The following RAPGEF3 variants were observed in gnomAD, a reference collection of about 807,000 sequenced individuals.
The protein encoded by RAPGEF3 is 9330170P05Rik.
Under a neutral mutation model 129.8 loss-of-function variants are expected in RAPGEF3, and 103 were observed. The observed-to-expected ratio is 0.79, with a 90% CI of 0.68 to 0.93. The LOEUF is 0.93. Ranked by LOEUF, RAPGEF3 falls within the 40% of genes least tolerant of loss-of-function variation. The pLI is 0.00. For synonymous variants in RAPGEF3, 436 were observed against 482.6 expected, an observed-to-expected ratio of 0.90 and a Z score of 1.26; for missense variants, 1,117 against 1,207.4, an observed-to-expected ratio of 0.93 and a Z score of 1.11.
chr12:47,748,294 C>T, intron 12 of RAPGEF3, 142 bp from the exon 13 acceptor site: 1 of 946,238 alleles, frequency 1.1e-6, no homozygotes, highest in Non-Finnish European at 1.6e-6. Context: ...TGATAGTGCT[C>T]CCCACTAAGC....
rs770981228 is a variant in RAPGEF3 at position 47,750,319 on chromosome 12, G to A, written c.756+22C>T. On this transcript the variant is annotated intron_variant, in intron 7 of 27. Coordinates refer to ENST00000449771, the MANE Select transcript of RAPGEF3 (RefSeq NM_001098531.4). ...AGAGAAGATGCCTGGTACGGGGCAG[G>A]GCTGGGAGGGGCAGGACTGACCGAG... 16 of 1,607,374 alleles carry A rather than the reference G, an allele frequency of 1.0e-5. No individual in the cohort carries two copies. The African/African-American group carries it at 1.9e-4, about 19-fold the overall frequency.
In RAPGEF3 at chr12:47,751,233, C is replaced by A; in HGVS notation, c.503-17G>T. 6.5e-7 allele frequency: 1 copy of A among 1,547,798 alleles called. No individual in the cohort carries two copies. The highest frequency in any genetic ancestry group is 8.7e-7 in the Non-Finnish European group (1 of 1,144,794). On this transcript the variant is annotated splice_polypyrimidine_tract_variant and intron_variant, in intron 5 of 27. Transcript: ENST00000449771. ...CGTGTTTCACTGGGGGGCAGAGGCCCAGGCGTGGGGGAGGAGAGGAAATTG... is the reference window on the plus strand; with the variant it reads ...CGTGTTTCACTGGGGGGCAGAGGCCAAGGCGTGGGGGAGGAGAGGAAATTG...
intron 2 of RAPGEF3, among the ~76,000 whole-genome samples, chr12:47,754,237 C>A (rs1302555366): frequency 6.6e-6 from 1 of 152,276 alleles, no homozygotes; most frequent in Non-Finnish European, 1.5e-5. Context: ...ATGCCTATTC[C>A]CATGTTTCCT....
At chr12:47,750,134 G>A (rs1484487958) in intron 7 of RAPGEF3, 144 bp from the exon 8 acceptor site, 3 of 1,168,322 alleles carry the variant, frequency 2.6e-6, no homozygotes, top group African/African-American at 1.5e-5. Context: ...GGATTCAGCA[G>A]GAGACAAAGC....
Position 47,751,487 on chromosome 12 carries a change from C to T in RAPGEF3, c.414G>A (p.Gly138=), listed in dbSNP as rs1177669975. ...GGACCCCAAGTCCCAGGGCCAAGAT[C>T]CCATCCACCAGCTCCCGGCCAGAGC... ...QCCSGRELVD[G]ILALGLGVHS... The change falls in exon 5 of 28, where the codon GGG becomes GGA. Residue 138 remains glycine, a synonymous_variant. Transcript: ENST00000449771. 5 of 1,614,082 alleles carry T rather than the reference C, an allele frequency of 3.1e-6. No homozygotes were observed. Among genetic ancestry groups the T allele is most frequent in the East Asian group, 2.2e-5 (1 of 44,896 alleles).
At position 47,738,689 on chromosome 12, in the gene RAPGEF3, C is replaced by A; in HGVS notation, c.2526+1G>T. 1 of 1,598,570 alleles carries A rather than the reference C, an allele frequency of 6.3e-7. No individual in the cohort carries two copies. The highest frequency in any genetic ancestry group is 8.6e-7 in the Non-Finnish European group (1 of 1,165,868). On this transcript the variant is annotated splice_donor_variant, in intron 25 of 27. Transcript: ENST00000449771. LOFTEE classifies it high-confidence loss of function. The stretch of plus-strand genomic sequence containing the variant: ...TGAATGCCTGCTCTCCCTGGACTCA[C>A]CATCTTCTCAAAGTTGATGAGATTC...
In RAPGEF3 at chr12:47,744,097, G is replaced by T. The variant is rs371346220; in HGVS notation, c.1597-29C>A. The stretch of plus-strand genomic sequence containing the variant: ...GGAGGAAGAGGAACGAGAAAATAAG[G>T]CTGGGAGGACATGAGAGGAGACCGT... On this transcript the variant is annotated intron_variant, in intron 16 of 27. Coordinates refer to ENST00000449771, the MANE Select transcript of RAPGEF3 (RefSeq NM_001098531.4). 3.9e-6 allele frequency: 6 copies of T among 1,537,020 alleles called. No homozygotes were observed. The African/African-American group carries it at 4.1e-5, about 10-fold the overall frequency.
chr12:47,753,685 CCT>C (rs1941888821), intron 2 of RAPGEF3, among the ~76,000 whole-genome samples: 1 of 152,248 alleles, frequency 6.6e-6, no homozygotes, highest in African/African-American at 2.4e-5. Context: ...CAGCCAGCCC[CCT>C]GTGTCGGAAC....
intron 1 of RAPGEF3, 63 bp downstream of exon 1, chr12:47,758,488 C>T (rs1942237871): frequency 1.9e-6 from 3 of 1,595,878 alleles, no homozygotes; most frequent in African/African-American, 1.3e-5. Context: ...AAACTCCCCA[C>T]CGTGTCAGCT....
In RAPGEF3 at chr12:47,753,410, TG is replaced by T. The variant is rs146443806; in HGVS notation, c.220-1442del. Among the ~76,000 whole-genome samples, 1,002 of 152,274 alleles carry T rather than the reference TG, an allele frequency of 6.6e-3. 5 individuals carry two copies. Among genetic ancestry groups the T allele is most frequent in the African/African-American group, 0.023 (962 of 41,558 alleles). ...CTTCAGGTCCCTGAAAAGGACCTGC[TG>T]GGGAGTTGCAGTACAACCAGTCCTG... On this transcript the variant is annotated intron_variant, in intron 2 of 27. Transcript: ENST00000449771.
intron 5 of RAPGEF3, 76 bp downstream of exon 5, chr12:47,751,323 T>G (rs1284953437): frequency 1.3e-6 from 2 of 1,593,960 alleles, no homozygotes; most frequent in Admixed American, 1.7e-5. Flanking sequence ...TAGTGCCTGC[T>G]TCCCAGGACT....
chr12:47,743,424 G>C, intron 18 of RAPGEF3, 106 bp downstream of exon 18: 1 of 1,411,566 alleles, frequency 7.1e-7, no homozygotes, highest in Non-Finnish European at 9.7e-7. Context: ...TTCACACTGA[G>C]GAAGACCAGA....
intron 2 of RAPGEF3, among the ~76,000 whole-genome samples, chr12:47,753,361 C>T (rs1941866784): frequency 6.6e-6 from 1 of 152,216 alleles, no homozygotes; most frequent in African/African-American, 2.4e-5. Flanking sequence ...TCACCAGCCA[C>T]CTCTCTCCTA....
In RAPGEF3 at chr12:47,749,033, A is replaced by T. The variant is rs1264393090; in HGVS notation, c.1042-102T>A. On this transcript the variant is annotated intron_variant, in intron 10 of 27. Transcript: ENST00000449771. The surrounding 1 kb of genome is among the most constrained non-coding windows in gnomAD (Gnocchi z 4.5). Reference sequence around the variant, plus strand: ...AGCCCCTGAGCCCCATGAGGGTCCCACAGGGACCCACAGCCCTTCTCCCAC... The same window carrying T: ...AGCCCCTGAGCCCCATGAGGGTCCCTCAGGGACCCACAGCCCTTCTCCCAC... 14 of 954,190 alleles carry T rather than the reference A, an allele frequency of 1.5e-5. No individual in the cohort carries two copies. The highest frequency in any genetic ancestry group is 4.4e-5 in the South Asian group (3 of 68,710). 59.1% of individuals were successfully genotyped at this position (954,190 alleles called of 1,614,324 possible).
chr12:47,758,163 T>G (rs1478829607), intron 1 of RAPGEF3, 85 bp from the exon 2 acceptor site: 1 of 1,490,050 alleles, frequency 6.7e-7, no homozygotes, highest in Non-Finnish European at 8.9e-7. Flanking sequence ...GCAGAACTAC[T>G]TCCTTAGAGT....
rs550088855 is a variant in RAPGEF3 at position 47,749,461 on chromosome 12, T to C, written c.970A>G (p.Thr324Ala). 6.5e-5 allele frequency: 105 copies of C among 1,613,428 alleles called. No individual in the cohort carries two copies. Among genetic ancestry groups the C allele is most frequent in the Admixed American group, 1.3e-4 (8 of 60,010 alleles). The stretch of plus-strand genomic sequence containing the variant: ...CAGTTGTCTTCTCGCAGGATGATGG[T>C]GGCTGCCCGGGGTGCATCATTCACC... ...ALVNDAPRAA[T>A]IILREDNCHF... Residue 324 changes from threonine to alanine, a missense_variant, in exon 10 of 28, where the codon ACC becomes GCC. Transcript: ENST00000449771. The surrounding 1 kb of genome is among the most constrained non-coding windows in gnomAD (Gnocchi z 4.5).
At chr12:47,756,193 G>C (rs1463830187) in intron 2 of RAPGEF3, 4 of 152,210 alleles carry the variant, frequency 2.6e-5, no homozygotes, top group Non-Finnish European at 5.9e-5. Flanking sequence ...GCTGTGGAGA[G>C]TCAGGAGACA....
chr12:47,747,967 G>A lies in RAPGEF3; in HGVS notation c.1323-105C>T, dbSNP rs1941520130. The A allele has an allele frequency of 5.1e-6, 8 of 1,580,078 alleles. No homozygotes were observed. The South Asian group carries it at 9.0e-5, about 18-fold the overall frequency. On this transcript the variant is annotated intron_variant, in intron 13 of 27. Coordinates refer to ENST00000449771, the MANE Select transcript of RAPGEF3 (RefSeq NM_001098531.4). ...CCCTGGCAAGCTGGGCCTGGCAGCAGGCTGGCATTTAAAGGGCTCAGCACA... is the reference window on the plus strand; with the variant it reads ...CCCTGGCAAGCTGGGCCTGGCAGCAAGCTGGCATTTAAAGGGCTCAGCACA...
intron 16 of RAPGEF3, chr12:47,745,632 T>A (rs904786917): frequency 2.6e-5 from 4 of 151,944 alleles, no homozygotes; most frequent in Non-Finnish European, 5.9e-5. Flanking sequence ...TGCACTGGAG[T>A]TGGCTCTTCC....
Sources: allele counts gnomAD v4.1 joint callset (sites outside exome capture counted in the v4.1 genomes callset), GRCh38; gene constraint gnomAD v4.1.1; non-coding constraint Gnocchi (gnomAD v3.1); transcripts MANE v1.5; gene names NCBI Gene and HGNC (gene_info 2026-07-23, HGNC 2026-07-21).